The following CCNH variants were observed in gnomAD, a reference collection of about 807,000 sequenced individuals.
CCNH encodes cyclin-H.
Under a neutral mutation model 41.9 loss-of-function variants are expected in CCNH, and 31 were observed. The ratio of observed to expected loss-of-function variants is 0.74; its 90% CI spans 0.56 to 1.00. The LOEUF (loss-of-function observed/expected upper bound fraction) is 1.00, where lower values mean the gene tolerates loss of function less well. CCNH is among the 50% of genes least tolerant of loss of function. The pLI, the probability that CCNH is intolerant of heterozygous loss-of-function variation, is 0.00. For synonymous variants in CCNH, 138 were observed against 136.1 expected (o/e 1.01, Z -0.10); for missense variants, 362 against 388.4 (o/e 0.93, Z 0.57).
Position 87,376,464 on chromosome 5 carries a change from C to T in CCNH, n.717G>A, listed in dbSNP as rs1283751031. 1 of 1,614,002 alleles carries T rather than the reference C, an allele frequency of 6.2e-7. No individual in the cohort carries two copies. Among genetic ancestry groups the T allele is most frequent in the Admixed American group, 1.7e-5 (1 of 60,014 alleles). ...AGATGAATGGTTTCTGCTCAGCTCCCATATACCATTAAAAGGTATTGAACC... is the reference window on the plus strand; with the variant it reads ...AGATGAATGGTTTCTGCTCAGCTCCTATATACCATTAAAAGGTATTGAACC... On this transcript the variant is annotated non_coding_transcript_exon_variant, in exon 1 of 1. Transcript: ENST00000607486.
downstream of CCNH, chr5:87,374,263 C>G (rs745690594): frequency 6.2e-7 from 1 of 1,602,234 alleles, no homozygotes; most frequent in Non-Finnish European, 8.5e-7. Context: ...GTCCAAGTAG[C>G]AAAAACTCAT....
intron 9 of CCNH, among the ~76,000 whole-genome samples, chr5:87,343,955 T>C (rs1236043512): frequency 1.3e-5 from 2 of 152,128 alleles, no homozygotes; most frequent in East Asian, 3.9e-4. Context: ...TTAAGTGAAA[T>C]AAGCCAGGCA....
intron 9 of CCNH, chr5:87,330,948 C>A: frequency 7.0e-7 from 1 of 1,429,364 alleles, no homozygotes; most frequent in Non-Finnish European, 9.1e-7. Flanking sequence ...GTTCCATGTG[C>A]CTTGTGAAGT....
intron 9 of CCNH, chr5:87,353,224 G>T (rs777777965): frequency 1.2e-6 from 2 of 1,605,848 alleles, no homozygotes; most frequent in Non-Finnish European, 1.7e-6. Flanking sequence ...TAAGGAACCT[G>T]TACCAATGCA....
At position 87,412,901 on chromosome 5, in the gene CCNH, G is replaced by C. The variant is rs1477656013; in HGVS notation, c.-107C>G. ...CCACCGAAGATCTCGCGGAAGCCTA[G>C]GGCGTCCGGCTAGCCGGCGCTGGCG... On this transcript the variant is annotated 5_prime_UTR_variant, in exon 1 of 9. Coordinates refer to ENST00000256897, the MANE Select transcript of CCNH (RefSeq NM_001239.4). The C allele has an allele frequency of 2.7e-6, 4 of 1,505,676 alleles. No individual in the cohort carries two copies. The highest frequency in any genetic ancestry group is 1.8e-4 in the Middle Eastern group (1 of 5,636). The allele number at this position is 1,505,676 out of a possible 1,614,324, so 93.3% of individuals were successfully genotyped here.
intron 9 of CCNH, among the ~76,000 whole-genome samples, chr5:87,323,575 C>G (rs1756988514): frequency 6.6e-6 from 1 of 152,130 alleles, no homozygotes; most frequent in Non-Finnish European, 1.5e-5. Context: ...GGTAGTATGT[C>G]TGTATTCAGC....
upstream of CCNH, among the ~76,000 whole-genome samples, chr5:87,379,123 T>C (rs1484567428): frequency 6.6e-6 from 1 of 152,212 alleles, no homozygotes; most frequent in Admixed American, 6.5e-5. Flanking sequence ...GGAATTGTTT[T>C]TGACAATGGA....
intron 4 of CCNH, among the ~76,000 whole-genome samples, chr5:87,407,344 C>T (rs1482788350): frequency 4.6e-5 from 7 of 152,154 alleles, no homozygotes; most frequent in African/African-American, 1.7e-4. Context: ...GTTACATCCT[C>T]AAGCACAAAG....
intron 9 of CCNH, chr5:87,370,007 T>G (rs1239698063): frequency 1.1e-6 from 1 of 927,316 alleles, no homozygotes; most frequent in African/African-American, 1.7e-5. Context: ...ACAGAACGCC[T>G]GAAATCTAAT....
downstream of CCNH, chr5:87,389,653 A>G (rs1421950894): frequency 8.0e-7 from 1 of 1,245,198 alleles, no homozygotes; most frequent in East Asian, 2.4e-5. Flanking sequence ...TCTGCATCAT[A>G]TTACAAAAGA....
rs3069490 is a variant in CCNH at position 87,338,501 on chromosome 5, TTATA to T, written c.*91-19608_*91-19605del. The stretch of plus-strand genomic sequence containing the variant: ...CATGTGCCACCATGCCCAGCTAATT[TTATA>T]TATATATATATATATATATATATAT... On this transcript the variant is annotated intron_variant and NMD_transcript_variant, in intron 9 of 9. Coordinates refer to the CCNH transcript ENST00000645953. Among the ~76,000 whole-genome samples, 68 of 75,534 alleles carry T rather than the reference TTATA, an allele frequency of 9.0e-4. 1 individual carries two copies. Among genetic ancestry groups the T allele is most frequent in the South Asian group, 2.1e-3 (4 of 1,922 alleles). The allele number at this position is 75,534 out of a possible 152,430, so 49.6% of individuals were successfully genotyped here.
At chr5:87,330,766 G>A (rs1299709379) in intron 9 of CCNH, among the ~76,000 whole-genome samples, 1 of 152,176 alleles carries the variant, frequency 6.6e-6, no homozygotes, top group Non-Finnish European at 1.5e-5. Context: ...GGAAAGTTGA[G>A]TGCAAATGTA....
At chr5:87,317,240 C>T (rs1238118733), downstream of CCNH, among the ~76,000 whole-genome samples, 2 of 152,130 alleles carry the variant, frequency 1.3e-5, no homozygotes, top group South Asian at 2.1e-4. Flanking sequence ...GCTCTTATTG[C>T]AGTCCTTTTG....
downstream of CCNH, among the ~76,000 whole-genome samples, chr5:87,390,083 T>TTCTA (rs1453913286): frequency 4.6e-5 from 7 of 152,234 alleles, no homozygotes; most frequent in Admixed American, 1.3e-4. Context: ...ATTGATAGAC[T>TTCTA]TCTATCTGCC....
chr5:87,363,955 C>A (rs1343234190), intron 9 of CCNH, among the ~76,000 whole-genome samples: 1 of 151,970 alleles, frequency 6.6e-6, no homozygotes, highest in Non-Finnish European at 1.5e-5. Context: ...AAAAAAAATT[C>A]TTATGTTGAC....
chr5:87,395,656 G>C (rs1412588730), intron 7 of CCNH, among the ~76,000 whole-genome samples: 1 of 152,150 alleles, frequency 6.6e-6, no homozygotes, highest in Non-Finnish European at 1.5e-5. Flanking sequence ...CAGATCGCCT[G>C]AGCCCAAGAG....
intron 9 of CCNH, among the ~76,000 whole-genome samples, chr5:87,349,741 AC>A (rs1459069791): frequency 6.6e-6 from 1 of 151,966 alleles, no homozygotes; most frequent in Non-Finnish European, 1.5e-5. Context: ...TTCTAAAGAT[AC>A]CTGAGACTTA....
intron 9 of CCNH, chr5:87,369,770 C>A (rs781656668): frequency 7.0e-7 from 1 of 1,427,028 alleles, no homozygotes; most frequent in South Asian, 1.2e-5. Flanking sequence ...TATTTTGCTA[C>A]TTTTTATTAA....
intron 9 of CCNH, chr5:87,363,646 C>T (rs1760281337): frequency 7.9e-6 from 7 of 882,016 alleles, no homozygotes; most frequent in Non-Finnish European, 1.1e-5. Context: ...GCCTTCCTTG[C>T]TTAATTGTAG....
Sources: allele counts gnomAD v4.1 joint callset (sites outside exome capture counted in the v4.1 genomes callset), GRCh38; gene constraint gnomAD v4.1.1; transcripts MANE v1.5; gene names NCBI Gene and HGNC (gene_info 2026-07-23, HGNC 2026-07-21).